The following IQGAP1 variants were observed in gnomAD, a reference collection of about 807,000 sequenced individuals.
The protein encoded by IQGAP1 is ras GTPase-activating-like protein IQGAP1.
A neutral mutation model predicts 215.6 loss-of-function variants in IQGAP1; 66 were observed. That is an observed-to-expected ratio of 0.31 (90% CI 0.25 to 0.38). The LOEUF (loss-of-function observed/expected upper bound fraction) is 0.38, where lower values mean the gene tolerates loss of function less well. IQGAP1 is among the 10% of genes least tolerant of loss of function. The pLI, the probability that IQGAP1 is intolerant of heterozygous loss-of-function variation, is 1.00. For synonymous variants in IQGAP1, 772 were observed against 728.7 expected (o/e 1.06, Z -0.96); for missense variants, 1,712 against 1,997.1 (o/e 0.86, Z 2.72).
Position 90,427,941 on chromosome 15 carries a change from T to A in IQGAP1, c.313-1648T>A, listed in dbSNP as rs888583616. On this transcript the variant is annotated intron_variant, in intron 3 of 37. Transcript: ENST00000268182. ...TACAATGTCAAAGAGATAATTTTTA[T>A]GTTTTATGTTTAAATTCAAGGGAAA... 1.3e-4 allele frequency among the ~76,000 whole-genome samples: 20 copies of A among 152,232 alleles called. 1 individual carries two copies. The highest frequency in any genetic ancestry group is 1.2e-3 in the Admixed American group (18 of 15,284).
chr15:90,392,885 C>A (rs1424444900), intron 2 of IQGAP1, among the ~76,000 whole-genome samples: 5 of 151,076 alleles, frequency 3.3e-5, no homozygotes, highest in African/African-American at 1.2e-4. Flanking sequence ...GCTGGAATTA[C>A]AGGCATCCGC....
chr15:90,440,427 G>A, intron 6 of IQGAP1, 75 bp from the exon 7 acceptor site: 1 of 993,726 alleles, frequency 1.0e-6, no homozygotes, highest in Non-Finnish European at 1.5e-6. Flanking sequence ...TTGCATAGTT[G>A]AGGAATATGT....
At position 90,474,067 on chromosome 15, in the gene IQGAP1, A is replaced by G. The variant is rs963220039; in HGVS notation, c.2509A>G (p.Asn837Asp). The G allele has an allele frequency of 2.5e-6, 4 of 1,613,230 alleles. No individual in the cohort carries two copies. The African/African-American group carries it at 5.3e-5, about 22-fold the overall frequency. Residue 837 changes from asparagine (N) to aspartate (D), a missense_variant, in exon 22 of 38, where the codon AAT becomes GAT. This residue lies in a region of IQGAP1 where 1,021 missense variants were observed against 1,074.2 expected (regional missense o/e 0.95). Coordinates refer to ENST00000268182, the MANE Select transcript of IQGAP1 (RefSeq NM_003870.4). ...DRLQYFRDHI[N>D]DIIKIQAFIR... ...TTTCTTCTTTTTTGTTCCTTAGATA[A>G]ATGACATTATCAAAATCCAGGCTTT...
Position 90,390,864 on chromosome 15 carries a change from A to C in IQGAP1, c.146A>C (p.Glu49Ala), listed in dbSNP as rs781054862. The C allele has an allele frequency of 1.2e-6, 2 of 1,600,564 alleles. No homozygotes were observed. The highest frequency in any genetic ancestry group is 1.7e-5 in the Admixed American group (1 of 59,998). ...TATGAGTACCTTTGTCATTTGGAAG[A>C]AGCGAAGAGGTAAAGATTGGCTGGC... ...VAYEYLCHLEEAKRWMEACLG... is the reference protein window; with the variant it reads ...VAYEYLCHLEAAKRWMEACLG... The change falls in exon 2 of 38, where the codon GAA becomes GCA. Residue 49 changes from glutamate to alanine, a missense_variant. Around this residue, in one of 2 missense-constraint regions of IQGAP1, gnomAD observed 1,021 missense variants for 1,074.2 expected, o/e 0.95. Coordinates refer to ENST00000268182, the MANE Select transcript of IQGAP1 (RefSeq NM_003870.4).
At chr15:90,411,164 C>T (rs62020687) in intron 2 of IQGAP1, among the ~76,000 whole-genome samples, 23,356 of 152,212 alleles carry the variant, frequency 0.15, 2,037 homozygotes, top group South Asian at 0.22. Context: ...CATCCTTACC[C>T]CAGGTCTAAG....
intron 2 of IQGAP1, among the ~76,000 whole-genome samples, chr15:90,421,225 C>T (rs1965131042): frequency 1.3e-5 from 2 of 151,990 alleles, no homozygotes; most frequent in South Asian, 2.1e-4. Flanking sequence ...CCTATAATCC[C>T]AGCACTTTGG....
intron 26 of IQGAP1, among the ~76,000 whole-genome samples, 184 bp from the exon 27 acceptor site, chr15:90,481,776 G>A (rs773928567): frequency 6.6e-6 from 1 of 152,160 alleles, no homozygotes; most frequent in Non-Finnish European, 1.5e-5. Context: ...CACAATTCAG[G>A]CACCTGATTC....
rs377750592 is a variant in IQGAP1, at chr15:90,445,651, C to G, written c.913+2173C>G. On this transcript the variant is annotated intron_variant, in intron 9 of 37. Coordinates refer to ENST00000268182, the MANE Select transcript of IQGAP1 (RefSeq NM_003870.4). Reference sequence around the variant, plus strand: ...CCAAAAAAACTAAAAGGTTTGATTTCAACCAACTAGGTCAGGCTTAATCTT... The same window carrying G: ...CCAAAAAAACTAAAAGGTTTGATTTGAACCAACTAGGTCAGGCTTAATCTT... 1.2e-4 allele frequency among the ~76,000 whole-genome samples: 18 copies of G among 152,274 alleles called. No homozygotes were observed. In the East Asian group the frequency reaches 3.1e-3, roughly 26 times the overall value.
At chr15:90,482,326 G>A in intron 28 of IQGAP1, 45 bp downstream of exon 28, 1 of 1,582,284 alleles carries the variant, frequency 6.3e-7, no homozygotes, top group Non-Finnish European at 8.7e-7. Context: ...TGAGGACAAA[G>A]CAATAAAACC....
At chr15:90,491,599 C>G (rs1442769900) in intron 34 of IQGAP1, 54 bp downstream of exon 34, 17 of 1,414,890 alleles carry the variant, frequency 1.2e-5, no homozygotes, top group East Asian at 2.3e-5. Context: ...CTGAGAGGCT[C>G]GAGAGACAGT....
chr15:90,467,264 T>C (rs534915211), intron 17 of IQGAP1, among the ~76,000 whole-genome samples, 186 bp from the exon 18 acceptor site: 1 of 152,288 alleles, frequency 6.6e-6, no homozygotes, highest in Non-Finnish European at 1.5e-5. Flanking sequence ...TGAGCTAAAT[T>C]AGTCATTACA....
intron 13 of IQGAP1, 70 bp downstream of exon 13, chr15:90,453,362 T>G: frequency 8.3e-7 from 1 of 1,208,972 alleles, no homozygotes; most frequent in Non-Finnish European, 1.2e-6. Context: ...ATGTCAGTGC[T>G]CCGATTTTCT....
intron 28 of IQGAP1, 23 bp from the exon 29 acceptor site, chr15:90,483,338 T>C: frequency 6.4e-7 from 1 of 1,552,324 alleles, no homozygotes; most frequent in Non-Finnish European, 8.9e-7. Context: ...TTAATACCCA[T>C]CTTTCTGTTT....
chr15:90,472,398 C>T (rs1965918238), intron 18 of IQGAP1, among the ~76,000 whole-genome samples: 1 of 152,176 alleles, frequency 6.6e-6, no homozygotes, highest in Non-Finnish European at 1.5e-5. Flanking sequence ...TGCAATCTGC[C>T]TGGAGAAGCA....
chr15:90,428,886 C>G (rs1412438322), intron 3 of IQGAP1, among the ~76,000 whole-genome samples: 1 of 152,168 alleles, frequency 6.6e-6, no homozygotes, highest in Non-Finnish European at 1.5e-5. Context: ...GAGTCTCATT[C>G]TGTCGCCTAG....
At position 90,491,460 on chromosome 15, in the gene IQGAP1, T is replaced by G. The variant is rs562000995; in HGVS notation, c.4376T>G (p.Ile1459Ser). The G allele has an allele frequency of 3.7e-6, 6 of 1,614,022 alleles. No homozygotes were observed. The African/African-American group carries it at 4.0e-5, about 11-fold the overall frequency. The change falls in exon 34 of 38, where the codon ATC (isoleucine) becomes AGC (serine). Residue 1459 changes from isoleucine to serine, a missense_variant. By Grantham distance (142) the Ile-to-Ser change is moderately radical. Coordinates refer to ENST00000268182, the MANE Select transcript of IQGAP1 (RefSeq NM_003870.4). ...ACTCTTCAAGAGAAGAAAGAGAAGA[T>G]CCAGACAGGTTTAAAGAAGCTAACA... ...NLTLQEKKEK[I>S]QTGLKKLTEL... is the part of the protein sequence containing the mutation.
Position 90,453,240 on chromosome 15 carries a change from T to G in IQGAP1, c.1435T>G (p.Leu479Val). 6.2e-7 allele frequency: 1 copy of G among 1,614,032 alleles called. No homozygotes were observed. Among genetic ancestry groups the G allele is most frequent in the Non-Finnish European group, 8.5e-7 (1 of 1,179,954 alleles). Residue 479 changes from leucine to valine, a missense_variant, in exon 13 of 38, where the codon TTG (leucine) becomes GTG (valine). Transcript: ENST00000268182. ...AGATGTGAATACAGTGTGGAAGCAA[T>G]TGAGCAGTTCAGTTACTGGTCTTAC... ...SGDVNTVWKQ[L>V]SSSVTGLTNI...
intron 22 of IQGAP1, 142 bp from the exon 23 acceptor site, chr15:90,474,343 C>T: frequency 1.3e-6 from 1 of 787,464 alleles, no homozygotes. Context: ...TAGCCTGACA[C>T]AGAAGACTGC....
intron 26 of IQGAP1, among the ~76,000 whole-genome samples, chr15:90,480,705 G>C (rs1209660366): frequency 6.6e-6 from 1 of 152,166 alleles, no homozygotes; most frequent in African/African-American, 2.4e-5. Context: ...GTCTCGTTCT[G>C]TTGGTCAGGC....
Sources: gnomAD v4.1 joint callset for allele counts (sites outside exome capture counted in the v4.1 genomes callset) on GRCh38, gnomAD v4.1.1 for gene constraint, gnomAD v4.1.1 regional missense constraint, MANE v1.5 for transcripts, NCBI Gene and HGNC (gene_info 2026-07-23, HGNC 2026-07-21) for gene names.